The following KCNN1 variants were observed in gnomAD, a reference collection of about 807,000 sequenced individuals.
KCNN1 encodes the protein small conductance calcium-activated potassium channel protein 1.
Under a neutral mutation model 44.7 loss-of-function variants are expected in KCNN1, and 20 were observed. That is an observed-to-expected ratio of 0.45 (90% CI 0.32 to 0.65). The LOEUF (loss-of-function observed/expected upper bound fraction) is 0.65. Among genes scored for constraint, KCNN1 ranks in the 30% least tolerant of loss-of-function variants. The probability of loss-of-function intolerance (pLI) is 0.05; values close to 1 mark genes in which losing one functional copy is unlikely to be tolerated. For missense variants in KCNN1, 632 were observed against 785.3 expected, an observed-to-expected ratio of 0.80 and a Z score of 2.33; for synonymous variants, 324 against 341.7, an observed-to-expected ratio of 0.95 and a Z score of 0.57.
intron 6 of KCNN1, 96 bp downstream of exon 6, chr19:17,988,621 G>A: frequency 2.2e-6 from 2 of 898,432 alleles, no homozygotes; most frequent in East Asian, 2.6e-5. Flanking sequence ...GCATGCTCAT[G>A]TGCCCATGGG....
Position 17,993,024 on chromosome 19 carries a change from T to C in KCNN1, c.1299-30T>C, listed in dbSNP as rs943996564. On this transcript the variant is annotated intron_variant, in intron 7 of 9. Transcript: ENST00000684775. This position sits in a 1 kb window ranked among gnomAD's most constrained non-coding sequence, Gnocchi z 4.5. Reference sequence around the variant, plus strand: ...TGCTGAGGTTAAAATTGCCTTGTGATTTTTCTCCTGCTCTGCCCGGTCCTG... The same window carrying C: ...TGCTGAGGTTAAAATTGCCTTGTGACTTTTCTCCTGCTCTGCCCGGTCCTG... 6.2e-7 allele frequency: 1 copy of C among 1,613,056 alleles called. No homozygotes were observed. The highest frequency in any genetic ancestry group is 2.2e-5 in the East Asian group (1 of 44,848).
At position 17,974,057 on chromosome 19, in the gene KCNN1, G is replaced by A. The variant is rs565287804; in HGVS notation, c.169G>A (p.Gly57Ser). 14 of 1,610,784 alleles carry A rather than the reference G, an allele frequency of 8.7e-6. No individual in the cohort carries two copies. Among genetic ancestry groups the A allele is most frequent in the East Asian group, 6.7e-5 (3 of 44,838 alleles). ...AKSEPARPSP[G>S]SPRGQPQDQD... is the part of the protein sequence containing the mutation. ...GAGTGAGCCAGCCCGGCCCTCACCC[G>A]GCAGCCCCCGGGGGCAGCCCCAGGA... The change falls in exon 2 of 10, where the codon GGC becomes AGC. Residue 57 changes from glycine to serine, a missense_variant. By Grantham distance (56) the Gly-to-Ser change is moderately conservative (BLOSUM62 0). Around this residue, in one of 3 missense-constraint regions of KCNN1, gnomAD observed 235 missense variants for 224.0 expected, o/e 1.05. Transcript: ENST00000684775. The surrounding 1 kb of genome is among the most constrained non-coding windows in gnomAD (Gnocchi z 7.3).
At chr19:17,976,167 C>G (rs1039108708) in intron 3 of KCNN1, among the ~76,000 whole-genome samples, 1 of 151,916 alleles carries the variant, frequency 6.6e-6, no homozygotes, top group African/African-American at 2.4e-5. Flanking sequence ...ATTAGCCAGG[C>G]ATGATATCGG....
chr19:17,989,926 C>A (rs1195583486), intron 7 of KCNN1, 83 bp downstream of exon 7: 3 of 1,598,304 alleles, frequency 1.9e-6, no homozygotes, highest in Admixed American at 3.4e-5. Flanking sequence ...GGCCTCTTCA[C>A]GGCTCCCTGC....
intron 1 of KCNN1, among the ~76,000 whole-genome samples, chr19:17,953,648 G>T (rs1332146387): frequency 2.0e-5 from 3 of 152,226 alleles, no homozygotes; most frequent in Non-Finnish European, 2.9e-5. Context: ...GGGAGCAAGA[G>T]TTCAGCTGCT....
At chr19:17,989,679 C>T (rs541071772) in intron 6 of KCNN1, 37 bp from the exon 7 acceptor site, 71 of 1,613,000 alleles carry the variant, frequency 4.4e-5, no homozygotes, top group Admixed American at 8.4e-5. Flanking sequence ...TGGAATTTCG[C>T]GCCAACCCTG....
rs372394657 is a variant in KCNN1 at position 17,998,627 on chromosome 19, G to A, written c.*221G>A. On this transcript the variant is annotated 3_prime_UTR_variant, in exon 10 of 10. Transcript: ENST00000684775. The surrounding 1 kb of genome is among the most constrained non-coding windows in gnomAD (Gnocchi z 5.4). ...GCTTCCTCTGGTCACCTGGTCCCCC[G>A]ACTCTCCCCAGGCCCCCGGTGGGCA... 8 of 484,450 alleles carry A rather than the reference G, an allele frequency of 1.7e-5. No homozygotes were observed. Among genetic ancestry groups the A allele is most frequent in the African/African-American group, 1.2e-4 (6 of 49,744 alleles). The allele number at this position is 484,450 out of a possible 1,614,324, so 30.0% of individuals were successfully genotyped here.
chr19:17,988,349 G>C, intron 5 of KCNN1, 66 bp from the exon 6 acceptor site: 1 of 1,345,362 alleles, frequency 7.4e-7, no homozygotes, highest in African/African-American at 1.4e-5. Flanking sequence ...AATCTGGGCA[G>C]GCTTCCTGGA....
rs551779895 is a variant in KCNN1 at position 17,980,546 on chromosome 19, G to A, written c.499-1163G>A. On this transcript the variant is annotated intron_variant, in intron 3 of 9. Transcript: ENST00000684775. Reference sequence around the variant, plus strand: ...TTTGGGGAACACTCATATTTCGTTCGAACTGTGGCCAGTGCTGAGAACTAG... The same window carrying A: ...TTTGGGGAACACTCATATTTCGTTCAAACTGTGGCCAGTGCTGAGAACTAG... Among the ~76,000 whole-genome samples, 6 of 152,088 alleles carry A rather than the reference G, an allele frequency of 3.9e-5. No homozygotes were observed. In the South Asian group the frequency reaches 6.2e-4, roughly 16 times the overall value.
chr19:17,993,548 G>A lies in KCNN1; in HGVS notation c.1366G>A (p.Asp456Asn), dbSNP rs373021908. 61 of 1,613,702 alleles carry A rather than the reference G, an allele frequency of 3.8e-5. No individual in the cohort carries two copies. The highest frequency in any genetic ancestry group is 1.6e-4 in the Middle Eastern group (1 of 6,082). The change falls in exon 9 of 10, where the codon GAC becomes AAC. Residue 456 changes from aspartate (D) to asparagine (N), a missense_variant. Transcript: ENST00000684775. The surrounding 1 kb of genome is among the most constrained non-coding windows in gnomAD (Gnocchi z 4.5). ...GAACGACCAGGCTAACACGCTTACC[G>A]ACCTAGCCAAGGTGAGTGGGTTGGG... ...KLNDQANTLT[D>N]LAKTQTVMYD... is the part of the protein sequence containing the mutation.
intron 1 of KCNN1, among the ~76,000 whole-genome samples, chr19:17,970,804 G>C (rs2031991502): frequency 6.6e-6 from 1 of 152,164 alleles, no homozygotes; most frequent in Non-Finnish European, 1.5e-5. Context: ...CACAGTGTGG[G>C]GGGTGCCGGA....
Position 17,983,183 on chromosome 19 carries a change from G to A in KCNN1, c.917+1056G>A, listed in dbSNP as rs941826402. On this transcript the variant is annotated intron_variant, in intron 4 of 9. Coordinates refer to ENST00000684775, the MANE Select transcript of KCNN1 (RefSeq NM_001386974.1). This position sits in a 1 kb window ranked among gnomAD's most constrained non-coding sequence, Gnocchi z 4.5. ...CTCTGGGGGACAAAGGGACTTGCCC[G>A]GAGCCTTGAGTCCTGGCAGTCTCAG... Among the ~76,000 whole-genome samples, 24 of 152,110 alleles carry A rather than the reference G, an allele frequency of 1.6e-4. No individual in the cohort carries two copies. Among genetic ancestry groups the A allele is most frequent in the Middle Eastern group, 3.2e-3 (1 of 314 alleles).
At chr19:17,975,867 C>T (rs768778820) in intron 3 of KCNN1, among the ~76,000 whole-genome samples, 4 of 152,148 alleles carry the variant, frequency 2.6e-5, no homozygotes, top group Non-Finnish European at 5.9e-5. Flanking sequence ...CACCACCACA[C>T]CTGGCTAATT....
rs1361027454 is a variant in KCNN1, at chr19:17,998,276, G to T, written c.1502G>T (p.Gly501Val). The change falls in exon 10 of 10, where the codon GGC becomes GTC. Residue 501 changes from glycine (G) to valine (V), a missense_variant. By Grantham distance (109) the Gly-to-Val change is moderately radical. Around this residue, in one of 3 missense-constraint regions of KCNN1, gnomAD observed 237 missense variants for 253.0 expected, o/e 0.94. Coordinates refer to ENST00000684775, the MANE Select transcript of KCNN1 (RefSeq NM_001386974.1). The surrounding 1 kb of genome is among the most constrained non-coding windows in gnomAD (Gnocchi z 5.4). ...GGTGCCTCTCTACAGGCCCTGCCTGGCCTCATCGCCCAAGCCATACGCCCA... is the reference window on the plus strand; with the variant it reads ...GGTGCCTCTCTACAGGCCCTGCCTGTCCTCATCGCCCAAGCCATACGCCCA... ...ALGASLQALPGLIAQAIRPPP... is the reference protein window; with the variant it reads ...ALGASLQALPVLIAQAIRPPP... The T allele has an allele frequency of 2.9e-5, 45 of 1,555,066 alleles. No individual in the cohort carries two copies. The highest frequency in any genetic ancestry group is 3.6e-5 in the Non-Finnish European group (41 of 1,154,522).
At chr19:17,984,699 T>G (rs925350401) in intron 4 of KCNN1, among the ~76,000 whole-genome samples, 2 of 152,108 alleles carry the variant, frequency 1.3e-5, no homozygotes, top group Non-Finnish European at 2.9e-5. Context: ...CAGGACTAAG[T>G]TCTGTCAGTC....
chr19:17,962,342 A>C (rs1271485558), upstream of KCNN1, among the ~76,000 whole-genome samples: 2 of 152,096 alleles, frequency 1.3e-5, no homozygotes, highest in Non-Finnish European at 2.9e-5. Context: ...GCCCATGGGG[A>C]GAACCGGGAA....
In KCNN1 at chr19:17,999,999, T is replaced by G; in HGVS notation, c.*1593T>G. Reference sequence around the variant, plus strand: ...TTTCATCTGTAAAATGGGGTGACAGTCTATTTAACCAGAACTCCCTAAAAA... The same window carrying G: ...TTTCATCTGTAAAATGGGGTGACAGGCTATTTAACCAGAACTCCCTAAAAA... On this transcript the variant is annotated 3_prime_UTR_variant, in exon 10 of 10. Coordinates refer to ENST00000684775, the MANE Select transcript of KCNN1 (RefSeq NM_001386974.1). The G allele has an allele frequency of 2.2e-6, 1 of 455,848 alleles. No individual in the cohort carries two copies. The highest frequency in any genetic ancestry group is 4.4e-6 in the Non-Finnish European group (1 of 226,732). The allele number at this position is 455,848 out of a possible 1,614,324, so 28.2% of individuals were successfully genotyped here.
rs1280596601 is a variant in KCNN1 at position 17,973,962 on chromosome 19, C to G, written c.74C>G (p.Pro25Arg). ...GGGCCGGGCGCCCTGGGACGAGACC[C>G]TCCGGACCCTGAGGCCGGCCACCCC... Reference protein sequence around the residue: ...GSGPGALGRDPPDPEAGHPPQ... With the variant: ...GSGPGALGRDRPDPEAGHPPQ... Residue 25 changes from proline (P) to arginine (R), a missense_variant, in exon 2 of 10, where the codon CCT (proline) becomes CGT (arginine). Transcript: ENST00000684775. 1.3e-6 allele frequency: 2 copies of G among 1,563,254 alleles called. No homozygotes were observed. Among genetic ancestry groups the G allele is most frequent in the East Asian group, 4.8e-5 (2 of 42,050 alleles).
intron 3 of KCNN1, among the ~76,000 whole-genome samples, chr19:17,978,889 T>G (rs549344109): frequency 1.3e-5 from 2 of 150,756 alleles, no homozygotes; most frequent in African/African-American, 4.9e-5. Context: ...ACACCGTCTC[T>G]ACACAAAAAT....
Sources: gnomAD v4.1 joint callset for allele counts (sites outside exome capture counted in the v4.1 genomes callset) on GRCh38, gnomAD v4.1.1 for gene constraint, gnomAD v4.1.1 regional missense constraint, Gnocchi (gnomAD v3.1) non-coding constraint, MANE v1.5 for transcripts, NCBI Gene and HGNC (gene_info 2026-07-23, HGNC 2026-07-21) for gene names.